PCP4L1: variants seen among roughly 807,000 people sequenced by gnomAD.
PCP4L1 encodes Purkinje cell protein 4 like 1.
Under a neutral mutation model 9.6 loss-of-function variants are expected in PCP4L1, and 9 were observed. The ratio of observed to expected loss-of-function variants is 0.94; its 90% confidence interval spans 0.57 to 1.64. The LOEUF (loss-of-function observed/expected upper bound fraction) is 1.64, where lower values mean the gene tolerates loss of function less well. PCP4L1 is among the 40% of genes most tolerant of loss of function. The pLI, the probability that PCP4L1 is intolerant of heterozygous loss-of-function variation, is 0.00. For synonymous variants in PCP4L1, 31 were observed against 28.2 expected (o/e 1.10, Z -0.31); for missense variants, 81 against 80.8 (o/e 1.00, Z -0.01).
At chr1:161,274,352 C>T (rs996684944) in intron 1 of PCP4L1, among the ~76,000 whole-genome samples, 1 of 150,976 alleles carries the variant, frequency 6.6e-6, no homozygotes, top group African/African-American at 2.4e-5. Context: ...GTGACAAGAG[C>T]AAAACTCTGT....
At chr1:161,268,501 T>C (rs1445673089) in intron 1 of PCP4L1, among the ~76,000 whole-genome samples, 1 of 152,090 alleles carries the variant, frequency 6.6e-6, no homozygotes, top group Non-Finnish European at 1.5e-5. Flanking sequence ...AACTATTTAT[T>C]GTAATATGTG....
chr1:161,262,450 A>AG (rs1558141198), intron 1 of PCP4L1, among the ~76,000 whole-genome samples: 7 of 150,944 alleles, frequency 4.6e-5, no homozygotes, highest in African/African-American at 1.7e-4. Flanking sequence ...AAAAAAAAAA[A>AG]AAAAAAGAAA....
intron 1 of PCP4L1, among the ~76,000 whole-genome samples, chr1:161,263,899 CTTTTTTTTTT>C (rs1160429112): frequency 1.8e-4 from 13 of 70,794 alleles, no homozygotes; most frequent in African/African-American, 4.9e-4. Flanking sequence ...ACTTTCTTTC[CTTTTTTTTTT>C]TTTTTTTTTT....
At position 161,276,747 on chromosome 1, in the gene PCP4L1, GTA is replaced by G. The variant is rs1471407843; in HGVS notation, c.10-6915_10-6914del. On this transcript the variant is annotated intron_variant, in intron 1 of 2. Transcript: ENST00000504449. ...TATATGTGTGTGTGTGTATATATGT[GTA>G]TATATGTATGTATATATATAAAAAA... is the stretch of plus-strand genomic sequence containing the variant. 8.6e-4 allele frequency among the ~76,000 whole-genome samples: 119 copies of G among 138,762 alleles called. 1 individual carries two copies. Among genetic ancestry groups the G allele is most frequent in the African/African-American group, 3.0e-3 (115 of 37,954 alleles). The allele number at this position is 138,762 out of a possible 152,430, so 91.0% of individuals were successfully genotyped here. A position where few individuals can be genotyped will look rare whatever the true frequency, so the allele number is the denominator to read the frequency against.
intron 1 of PCP4L1, among the ~76,000 whole-genome samples, chr1:161,266,855 C>T (rs913807220): frequency 6.6e-6 from 1 of 152,126 alleles, no homozygotes; most frequent in Non-Finnish European, 1.5e-5. Context: ...ATGGTTCCAA[C>T]GGTGCTCCAA....
At chr1:161,272,894 A>G (rs1003035902) in intron 1 of PCP4L1, among the ~76,000 whole-genome samples, 1 of 152,078 alleles carries the variant, frequency 6.6e-6, no homozygotes, top group African/African-American at 2.4e-5. Flanking sequence ...CAGATAGGCA[A>G]GTGTGTGGTG....
At chr1:161,278,411 C>T (rs923037759) in intron 1 of PCP4L1, among the ~76,000 whole-genome samples, 4 of 151,560 alleles carry the variant, frequency 2.6e-5, no homozygotes, top group Non-Finnish European at 5.9e-5. Flanking sequence ...TTCCTTCTTT[C>T]CTTCCTTCCT....
At position 161,276,660 on chromosome 1, in the gene PCP4L1, G is replaced by A. The variant is rs1205973756; in HGVS notation, c.10-7008G>A. 4.8e-5 allele frequency among the ~76,000 whole-genome samples: 7 copies of A among 145,904 alleles called. No individual in the cohort carries two copies. In the Admixed American group the frequency reaches 5.0e-4, roughly 10 times the overall value. Reference sequence around the variant, plus strand: ...TGTGCCACTGCACTCCAGCCTGGGTGACAAAGCAAGACTTATCTCTTAAAA... The same window carrying A: ...TGTGCCACTGCACTCCAGCCTGGGTAACAAAGCAAGACTTATCTCTTAAAA... On this transcript the variant is annotated intron_variant, in intron 1 of 2. Coordinates refer to ENST00000504449, the MANE Select transcript of PCP4L1 (RefSeq NM_001102566.2).
At chr1:161,263,132 C>T (rs1323955166) in intron 1 of PCP4L1, among the ~76,000 whole-genome samples, 5 of 152,212 alleles carry the variant, frequency 3.3e-5, no homozygotes, top group Admixed American at 3.3e-4. Context: ...GTACTAGAAC[C>T]AAGGCTAGGG....
chr1:161,264,567 G>A (rs374924078), intron 1 of PCP4L1, among the ~76,000 whole-genome samples: 27 of 152,180 alleles, frequency 1.8e-4, no homozygotes, highest in Non-Finnish European at 3.7e-4. Flanking sequence ...GGTGGTTCAC[G>A]CCTGTAATCC....
intron 1 of PCP4L1, among the ~76,000 whole-genome samples, chr1:161,281,299 T>C (rs934654258): frequency 1.3e-4 from 20 of 152,140 alleles, no homozygotes; most frequent in East Asian, 5.8e-4. Context: ...CCTTTCCCCC[T>C]TTTCTATTCC....
At chr1:161,267,449 T>A (rs1198150658) in intron 1 of PCP4L1, among the ~76,000 whole-genome samples, 1 of 152,166 alleles carries the variant, frequency 6.6e-6, no homozygotes, top group East Asian at 1.9e-4. Context: ...TCTGGATAGT[T>A]TATCTTTTCC....
chr1:161,268,551 CT>C (rs10654377), intron 1 of PCP4L1, among the ~76,000 whole-genome samples: 220 of 114,034 alleles, frequency 1.9e-3, no homozygotes, highest in South Asian at 2.5e-3. Context: ...TTCCTTTTAC[CT>C]TTTTTTTTTT....
intron 1 of PCP4L1, among the ~76,000 whole-genome samples, chr1:161,273,691 A>T (rs934027403): frequency 6.6e-6 from 1 of 152,200 alleles, no homozygotes; most frequent in Admixed American, 6.5e-5. Context: ...AGGCCCACTG[A>T]GCAAACATTA....
At chr1:161,276,037 C>T (rs996295517) in intron 1 of PCP4L1, among the ~76,000 whole-genome samples, 1 of 152,008 alleles carries the variant, frequency 6.6e-6, no homozygotes. Flanking sequence ...TCAAATGATC[C>T]GCCTGCTTCG....
intron 1 of PCP4L1, among the ~76,000 whole-genome samples, chr1:161,275,151 G>C (rs1170497282): frequency 6.6e-6 from 1 of 152,066 alleles, no homozygotes; most frequent in Non-Finnish European, 1.5e-5. Context: ...ACACATTCCT[G>C]CTTATTCTCA....
intron 1 of PCP4L1, among the ~76,000 whole-genome samples, chr1:161,263,167 C>A (rs2102230797): frequency 6.6e-6 from 1 of 152,286 alleles, no homozygotes; most frequent in East Asian, 1.9e-4. Context: ...CTTCTCATTC[C>A]AAAAGAACAT....
At chr1:161,270,589 C>G (rs1026521100) in intron 1 of PCP4L1, among the ~76,000 whole-genome samples, 2 of 58,612 alleles carry the variant, frequency 3.4e-5, no homozygotes, top group African/African-American at 1.5e-4. Context: ...AAGAGAGACC[C>G]CAGGCTAGGC....
At chr1:161,281,587 G>A (rs1473597860) in intron 1 of PCP4L1, among the ~76,000 whole-genome samples, 2 of 151,502 alleles carry the variant, frequency 1.3e-5, no homozygotes, top group African/African-American at 2.4e-5. Flanking sequence ...TCCCGGACGG[G>A]GCAGCTGGCC....
Sources: gnomAD v4.1 joint callset for allele counts (sites outside exome capture counted in the v4.1 genomes callset) on GRCh38, gnomAD v4.1.1 for gene constraint, MANE v1.5 for transcripts, NCBI Gene and HGNC (gene_info 2026-07-23, HGNC 2026-07-21) for gene names.